Variants in HYKK observed in about 807,000 individuals in gnomAD.
The protein encoded by HYKK is 5-hydroxy-L-lysine kinase.
In HYKK, 19 loss-of-function variants were observed where a neutral mutation model predicts 29.7. The ratio of observed to expected loss-of-function variants is 0.64; its 90% CI spans 0.45 to 0.94. HYKK has a LOEUF of 0.94. Among genes scored for constraint, HYKK ranks in the 40% least tolerant of loss-of-function variants. The probability of loss-of-function intolerance (pLI) is 0.00; values close to 1 mark genes in which losing one functional copy is unlikely to be tolerated. For missense variants in HYKK, 390 were observed against 443.4 expected (o/e 0.88, Z 1.08); for synonymous variants, 152 against 158.1 (o/e 0.96, Z 0.29).
At position 78,535,289 on chromosome 15, in the gene HYKK, CT is replaced by C. The variant is rs58709975; in HGVS notation, c.*1634del. 6,302 of 130,788 alleles carry C rather than the reference CT, an allele frequency of 0.048. 320 individuals are homozygous for C. The highest frequency in any genetic ancestry group is 0.14 in the African/African-American group (4,999 of 34,918). 8.1% of individuals were successfully genotyped at this position (130,788 alleles called of 1,614,324 possible). A position where few individuals can be genotyped will look rare whatever the true frequency, so the allele number is the denominator to read the frequency against. On this transcript the variant is annotated 3_prime_UTR_variant, in exon 5 of 5. Transcript: ENST00000388988. ...ATTTCTTTTTCTTTTCTTTTCTTTTCTTTTTTTTTTTTTTTGGTGGTGGGGC... is the reference window on the plus strand; with the variant it reads ...ATTTCTTTTTCTTTTCTTTTCTTTTCTTTTTTTTTTTTTTGGTGGTGGGGC...
chr15:78,528,342 C>A, intron 4 of HYKK: 1 of 752,062 alleles, frequency 1.3e-6, no homozygotes, highest in Non-Finnish European at 1.6e-6. Context: ...CCGCTGTCTC[C>A]TGTCCATGGA....
At chr15:78,521,782 G>A (rs2052199441) in intron 3 of HYKK, among the ~76,000 whole-genome samples, 2 of 152,068 alleles carry the variant, frequency 1.3e-5, no homozygotes, top group South Asian at 4.2e-4. Context: ...GATATTAAGT[G>A]GTAGAGCCAG....
rs559061192 is a variant in HYKK, at chr15:78,520,890, G to T, written c.477+5783G>T. The stretch of plus-strand genomic sequence containing the variant: ...GGGCTGACCCCCCCACCTCCCTCCC[G>T]GATGGGGCGGCTGGCCGGGTGGGGG... On this transcript the variant is annotated intron_variant, in intron 3 of 4. Transcript: ENST00000388988. Among the ~76,000 whole-genome samples, 6 of 151,352 alleles carry T rather than the reference G, an allele frequency of 4.0e-5. No individual in the cohort carries two copies. In the South Asian group the frequency reaches 1.3e-3, roughly 32 times the overall value.
At chr15:78,536,926 T>C (rs1176464162), downstream of HYKK, among the ~76,000 whole-genome samples, 2 of 152,192 alleles carry the variant, frequency 1.3e-5, no homozygotes, top group Admixed American at 6.5e-5. Context: ...AAAGGAAAGA[T>C]GGATTCAGTC....
rs973361261 is a variant in HYKK at position 78,534,770 on chromosome 15, T to C, written c.*1100T>C. 1 of 152,186 alleles carries C rather than the reference T, an allele frequency of 6.6e-6. No individual in the cohort carries two copies. The highest frequency in any genetic ancestry group is 2.4e-5 in the African/African-American group (1 of 41,432). The allele number at this position is 152,186 out of a possible 1,614,324, so 9.4% of individuals were successfully genotyped here. On this transcript the variant is annotated 3_prime_UTR_variant, in exon 5 of 5. Coordinates refer to ENST00000388988, the MANE Select transcript of HYKK (RefSeq NM_001013619.4). ...TCCAGAGATAGATGCTGGAAGACCC[T>C]GGGAACTGCAAGGAAGCAAATAATG...
At chr15:78,528,906 G>A in intron 4 of HYKK, 1 of 944,240 alleles carries the variant, frequency 1.1e-6, no homozygotes, top group Non-Finnish European at 1.3e-6. Context: ...ACAGTGTAAG[G>A]TGTAGCGTAA....
In HYKK at chr15:78,533,978, T is replaced by A. The variant is rs972325903; in HGVS notation, c.*308T>A. ...ACAAGATCTATTCCTGCCCTGAGAT[T>A]AATGACTATTTTAATTTTAAAAATA... On this transcript the variant is annotated 3_prime_UTR_variant, in exon 5 of 5. Coordinates refer to ENST00000388988, the MANE Select transcript of HYKK (RefSeq NM_001013619.4). 3 of 256,086 alleles carry A rather than the reference T, an allele frequency of 1.2e-5. No homozygotes were observed. In the Admixed American group the frequency reaches 1.5e-4, roughly 13 times the overall value. The allele number at this position is 256,086 out of a possible 1,614,324, so 15.9% of individuals were successfully genotyped here.
chr15:78,533,671 CTG>C lies in HYKK; in HGVS notation c.*2_*3del. On this transcript the variant is annotated 3_prime_UTR_variant, in exon 5 of 5. Transcript: ENST00000388988. ...CTATGAATCTGGGATCTCCATGTGA[CTG>C]AGATCTCCATGTGACTCAAAGTTCA... The C allele has an allele frequency of 6.3e-7, 1 of 1,597,098 alleles. No homozygotes were observed. The highest frequency in any genetic ancestry group is 8.6e-7 in the Non-Finnish European group (1 of 1,164,884).
In HYKK at chr15:78,527,468, A is replaced by G. The variant is rs1354852923; in HGVS notation, c.566A>G (p.Tyr189Cys). Residue 189 changes from tyrosine to cysteine, a missense_variant, in exon 4 of 5, where the codon TAT becomes TGT. Physicochemically the swap from Tyr to Cys is radical, Grantham distance 194. Transcript: ENST00000388988. ...KNVPLLEKYL[Y>C]ALGQNRNREI... is the part of the protein sequence containing the mutation. ...GTTCCTCTTCTGGAGAAATACCTGT[A>G]TGCCCTGGGCCAGAATCGAAACCGA... The G allele has an allele frequency of 6.2e-7, 1 of 1,614,124 alleles. No individual in the cohort carries two copies. Among genetic ancestry groups the G allele is most frequent in the Non-Finnish European group, 8.5e-7 (1 of 1,179,976 alleles).
At chr15:78,514,321 C>T (rs189549163) in intron 2 of HYKK, among the ~76,000 whole-genome samples, 39 of 152,256 alleles carry the variant, frequency 2.6e-4, no homozygotes, top group Admixed American at 2.4e-3. Flanking sequence ...CCCTTTTCAC[C>T]TCTAAATACT....
chr15:78,524,696 C>G (rs1188486817), intron 3 of HYKK, among the ~76,000 whole-genome samples: 1 of 152,096 alleles, frequency 6.6e-6, no homozygotes, highest in Non-Finnish European at 1.5e-5. Context: ...GTAATCCCAG[C>G]TACTGAGGAG....
chr15:78,521,638 C>G (rs1465757139), intron 3 of HYKK, among the ~76,000 whole-genome samples: 1 of 151,998 alleles, frequency 6.6e-6, no homozygotes, highest in Non-Finnish European at 1.5e-5. Context: ...TCAAGGACAA[C>G]ACTGATTTTA....
chr15:78,530,857 GTTTTT>G (rs199636746), intron 4 of HYKK, among the ~76,000 whole-genome samples: 2 of 151,216 alleles, frequency 1.3e-5, no homozygotes, highest in South Asian at 2.1e-4. Context: ...TCCTGTTTTG[GTTTTT>G]TTTGTTTGTT....
intron 4 of HYKK, chr15:78,528,416 ATATC>A: frequency 1.0e-6 from 1 of 985,360 alleles, no homozygotes; most frequent in Non-Finnish European, 1.2e-6. Context: ...GCTCTAGTAT[ATATC>A]TATCTCCCTG....
At chr15:78,508,039 C>T (rs889831296) in intron 1 of HYKK, among the ~76,000 whole-genome samples, 1 of 152,182 alleles carries the variant, frequency 6.6e-6, no homozygotes, top group African/African-American at 2.4e-5. Context: ...ACTCATGCGC[C>T]CTCCTCCTCT....
chr15:78,513,037 T>C, intron 1 of HYKK, 47 bp from the exon 2 acceptor site: 2 of 962,020 alleles, frequency 2.1e-6, no homozygotes, highest in Admixed American at 2.2e-5. Flanking sequence ...TAAATAAATA[T>C]ATTCATCCTG....
chr15:78,533,757 T>C lies in HYKK; in HGVS notation c.*87T>C. On this transcript the variant is annotated 3_prime_UTR_variant, in exon 5 of 5. Transcript: ENST00000388988. ...AAATTTTAGGAAGGATTTTCCTGCA[T>C]AGTTAAAAATCAACTGATGGAATGG... is the stretch of plus-strand genomic sequence containing the variant. The C allele has an allele frequency of 7.7e-6, 7 of 908,842 alleles. No individual in the cohort carries two copies. The highest frequency in any genetic ancestry group is 1.0e-5 in the Non-Finnish European group (6 of 586,898). The allele number at this position is 908,842 out of a possible 1,614,324, so 56.3% of individuals were successfully genotyped here.
intron 3 of HYKK, among the ~76,000 whole-genome samples, chr15:78,522,723 T>TA (rs1473874097): frequency 6.6e-6 from 1 of 151,886 alleles, no homozygotes; most frequent in East Asian, 1.9e-4. Flanking sequence ...CTAAAAATAC[T>TA]AAAAAATTAA....
At chr15:78,512,450 A>G (rs2052083897) in intron 1 of HYKK, among the ~76,000 whole-genome samples, 1 of 123,232 alleles carries the variant, frequency 8.1e-6, no homozygotes, top group Admixed American at 1.1e-4. Context: ...TGCCCAGGCT[A>G]GAGTGTAGTG....
Sources: gnomAD v4.1 joint callset for allele counts (sites outside exome capture counted in the v4.1 genomes callset) on GRCh38, gnomAD v4.1.1 for gene constraint, MANE v1.5 for transcripts, NCBI Gene and HGNC (gene_info 2026-07-23, HGNC 2026-07-21) for gene names.